Variants in AHSA1 observed in about 807,000 individuals in gnomAD.
AHSA1 encodes activator of HSP90 ATPase activity 1.
Under a neutral mutation model 46.1 loss-of-function variants are expected in AHSA1, and 14 were observed. That is an observed-to-expected ratio of 0.30 (90% CI 0.20 to 0.47). AHSA1 has a LOEUF of 0.47. Among genes scored for constraint, AHSA1 ranks in the 20% least tolerant of loss-of-function variants. The pLI, the probability that AHSA1 is intolerant of heterozygous loss-of-function variation, is 0.99. For synonymous variants in AHSA1, 147 were observed against 145.8 expected (o/e 1.01, Z -0.06); for missense variants, 333 against 415.9 (o/e 0.80, Z 1.73).
At position 77,469,239 on chromosome 14, in the gene AHSA1, G is replaced by A. The variant is rs146176111; in HGVS notation, c.1007G>A (p.Arg336His). The change falls in exon 9 of 9, where the codon CGC becomes CAC. Residue 336 changes from arginine to histidine, a missense_variant. Physicochemically the swap from Arg to His is conservative, Grantham distance 29. Coordinates refer to ENST00000216479, the MANE Select transcript of AHSA1 (RefSeq NM_012111.3). Reference sequence around the variant, plus strand: ...AAACAGACCTTTGGCTATGGCGCACGCTTATTTTAGGGCCAGCGGCAGGGG... The same window carrying A: ...AAACAGACCTTTGGCTATGGCGCACACTTATTTTAGGGCCAGCGGCAGGGG... ...GIKQTFGYGARLF is the reference protein window; with the variant it reads ...GIKQTFGYGAHLF 766 of 1,613,860 alleles carry A rather than the reference G, an allele frequency of 4.7e-4. 4 individuals carry two copies. The Middle Eastern group carries it at 9.6e-3, about 20-fold the overall frequency.
rs201280812 is a variant in AHSA1 at position 77,469,275 on chromosome 14, G to C, written c.*26G>C. 8.1e-6 allele frequency: 13 copies of C among 1,610,902 alleles called. No homozygotes were observed. Among genetic ancestry groups the C allele is most frequent in the East Asian group, 4.5e-5 (2 of 44,806 alleles). On this transcript the variant is annotated 3_prime_UTR_variant, in exon 9 of 9. Transcript: ENST00000216479. ...GGCCAGCGGCAGGGGACTCCAGCCT[G>C]CTGGACACTTCAGTCCAGCTCTCTC...
In AHSA1 at chr14:77,469,114, G is replaced by C; in HGVS notation, c.882G>C (p.Lys294Asn). ...FATITLTFID[K>N]NGETELCMEG... Reference sequence around the variant, plus strand: ...CCATCACCTTGACCTTCATCGACAAGAACGGAGAGACTGAGCTGTGCATGG... The same window carrying C: ...CCATCACCTTGACCTTCATCGACAACAACGGAGAGACTGAGCTGTGCATGG... The change falls in exon 9 of 9, where the codon AAG (lysine) becomes AAC (asparagine). Residue 294 changes from lysine (K) to asparagine (N), a missense_variant. Transcript: ENST00000216479. The C allele has an allele frequency of 6.2e-7, 1 of 1,614,160 alleles. No individual in the cohort carries two copies. Among genetic ancestry groups the C allele is most frequent in the Non-Finnish European group, 8.5e-7 (1 of 1,180,030 alleles).
At chr14:77,463,973 C>T (rs1457977109) in intron 4 of AHSA1, among the ~76,000 whole-genome samples, 1 of 152,238 alleles carries the variant, frequency 6.6e-6, no homozygotes, top group Non-Finnish European at 1.5e-5. Context: ...GTAGATTACC[C>T]ACTCTTGAAG....
intron 1 of AHSA1, 112 bp downstream of exon 1, chr14:77,458,381 A>G: frequency 8.9e-7 from 1 of 1,128,570 alleles, no homozygotes. Context: ...CCCTGTCCGG[A>G]GATGGGGGTG....
chr14:77,462,587 C>A, intron 3 of AHSA1, 55 bp from the exon 4 acceptor site: 1 of 1,514,718 alleles, frequency 6.6e-7, no homozygotes, highest in Non-Finnish European at 9.2e-7. Context: ...CCCCACATTC[C>A]ATAATGAGGG....
chr14:77,468,729 TTTTTTTTTTTTTTTTTACTTTTTTAC>T (rs1408624697), intron 8 of AHSA1: 2 of 489,260 alleles, frequency 4.1e-6, no homozygotes, highest in Non-Finnish European at 7.1e-6. Flanking sequence ...AGCTTTTTTT[TTTTTTTTTTTTTTTTTACTTTTTTAC>T]TTTTTTTGTA....
intron 6 of AHSA1, among the ~76,000 whole-genome samples, chr14:77,467,218 G>C (rs2079051138): frequency 6.6e-6 from 1 of 152,098 alleles, no homozygotes; most frequent in African/African-American, 2.4e-5. Flanking sequence ...GGCCAACATG[G>C]TGAAGCCCTG....
In AHSA1 at chr14:77,469,090, C is replaced by T. The variant is rs1353269151; in HGVS notation, c.858C>T (p.Thr286=). ...TGCCTTTCCCAGGACACTTTGCCAC[C>T]ATCACCTTGACCTTCATCGACAAGA... The part of the protein sequence containing the change: ...FKSWPEGHFA[T]ITLTFIDKNG... The change falls in exon 9 of 9, where the codon ACC becomes ACT. Residue 286 remains threonine, a synonymous_variant. Coordinates refer to ENST00000216479, the MANE Select transcript of AHSA1 (RefSeq NM_012111.3). 6.2e-7 allele frequency: 1 copy of T among 1,614,090 alleles called. No homozygotes were observed. Among genetic ancestry groups the T allele is most frequent in the Admixed American group, 1.7e-5 (1 of 59,992 alleles).
At chr14:77,464,535 A>G (rs17751319) in intron 4 of AHSA1, 63 bp from the exon 5 acceptor site, 96,973 of 1,395,926 alleles carry the variant, frequency 0.069, 4,128 homozygotes, top group Admixed American at 0.19. Flanking sequence ...TCAAGCTGTA[A>G]TGAAACTCCA....
At chr14:77,465,959 T>C (rs996076962) in intron 6 of AHSA1, among the ~76,000 whole-genome samples, 2 of 152,140 alleles carry the variant, frequency 1.3e-5, no homozygotes, top group African/African-American at 4.8e-5. Flanking sequence ...CCTGAACAGC[T>C]GGTACTATAG....
In AHSA1 at chr14:77,462,228, G is replaced by T. The variant is rs142340978; in HGVS notation, c.340G>T (p.Val114Leu). 4.3e-6 allele frequency: 7 copies of T among 1,613,256 alleles called. No homozygotes were observed. Among genetic ancestry groups the T allele is most frequent in the Non-Finnish European group, 5.1e-6 (6 of 1,179,308 alleles). ...EIPNLSDENS[V>L]DEVEISVSLA... is the part of the protein sequence containing the mutation. ...CCCCAATTTGTCTGATGAAAACAGC[G>T]TGGATGAAGTGGAGGTTTGTGCTTC... Residue 114 changes from valine (V) to leucine (L), a missense_variant, in exon 3 of 9, where the codon GTG (valine) becomes TTG (leucine). By Grantham distance (32) the Val-to-Leu change is conservative. Coordinates refer to ENST00000216479, the MANE Select transcript of AHSA1 (RefSeq NM_012111.3).
chr14:77,468,049 C>CTTTTTTTTTTT lies in AHSA1; in HGVS notation c.691-33_691-32insTTTTTTTTTTT, dbSNP rs150175578. 2.3e-5 allele frequency: 17 copies of CTTTTTTTTTTT among 723,822 alleles called. 6 individuals are homozygous for CTTTTTTTTTTT. The highest frequency in any genetic ancestry group is 1.5e-4 in the Admixed American group (4 of 26,650). 44.8% of individuals were successfully genotyped at this position (723,822 alleles called of 1,614,324 possible). A position where few individuals can be genotyped will look rare whatever the true frequency, so the allele number is the denominator to read the frequency against. On this transcript the variant is annotated intron_variant, in intron 6 of 8. Coordinates refer to ENST00000216479, the MANE Select transcript of AHSA1 (RefSeq NM_012111.3). ...CCACTGAAAGCCATGTATCTTCTGC[C>CTTTTTTTTTTT]TCTTTTTTTTTTTTTTTTTTTTTTT...
chr14:77,468,417 T>A (rs760118897), intron 7 of AHSA1, 40 bp from the exon 8 acceptor site: 8 of 1,564,076 alleles, frequency 5.1e-6, no homozygotes, highest in Non-Finnish European at 6.1e-6. Context: ...TTGGGTACAT[T>A]GTAGTATATA....
At chr14:77,462,588 A>G in intron 3 of AHSA1, 54 bp from the exon 4 acceptor site, 6 of 1,530,738 alleles carry the variant, frequency 3.9e-6, no homozygotes, top group Non-Finnish European at 5.4e-6. Context: ...CCCACATTCC[A>G]TAATGAGGGT....
intron 6 of AHSA1, 127 bp from the exon 7 acceptor site, chr14:77,467,956 C>T (rs1440128661): frequency 6.1e-6 from 4 of 654,996 alleles, no homozygotes; most frequent in African/African-American, 5.5e-5. Context: ...CTGGACCCGC[C>T]TGTGGGGCAG....
At position 77,459,619 on chromosome 14, in the gene AHSA1, G is replaced by A; in HGVS notation, c.84G>A (p.Thr28=). Residue 28 remains threonine, a synonymous_variant, in exon 2 of 9, where the codon ACG becomes ACA. Transcript: ENST00000216479. The stretch of plus-strand genomic sequence containing the variant: ...TAGCTCTGTTTCTGCTTTGCAGGAC[G>A]GAGAGAGATGCTTCAAATTGGTCCA... The part of the protein sequence containing the change: ...DATNVNNWHW[T]ERDASNWSTD... The A allele has an allele frequency of 1.2e-6, 2 of 1,614,154 alleles. No homozygotes were observed. Among genetic ancestry groups the A allele is most frequent in the East Asian group, 2.2e-5 (1 of 44,888 alleles).
chr14:77,463,021 T>A, intron 4 of AHSA1: 1 of 359,454 alleles, frequency 2.8e-6, no homozygotes, highest in South Asian at 2.7e-5. Context: ...GGCTCACACT[T>A]GTAATCCCAG....
intron 8 of AHSA1, 96 bp from the exon 9 acceptor site, chr14:77,468,981 T>C: frequency 7.0e-7 from 1 of 1,421,116 alleles, no homozygotes; most frequent in African/African-American, 1.4e-5. Flanking sequence ...GTGCTGGGAT[T>C]ACAGGTGTGA....
rs1005012820 is a variant in AHSA1, at chr14:77,462,628, C to T, written c.355-14C>T. ...CTCAAGTTATTTACCACCTACTTCT[C>T]ATCTTTCACCCAGATTAGTGTGAGC... On this transcript the variant is annotated splice_polypyrimidine_tract_variant and intron_variant, in intron 3 of 8. Coordinates refer to ENST00000216479, the MANE Select transcript of AHSA1 (RefSeq NM_012111.3). The T allele has an allele frequency of 6.2e-7, 1 of 1,612,860 alleles. No homozygotes were observed. The highest frequency in any genetic ancestry group is 8.5e-7 in the Non-Finnish European group (1 of 1,178,828).
Sources: gnomAD v4.1 joint callset for allele counts (sites outside exome capture counted in the v4.1 genomes callset) on GRCh38, gnomAD v4.1.1 for gene constraint, MANE v1.5 for transcripts, NCBI Gene and HGNC (gene_info 2026-07-23, HGNC 2026-07-21) for gene names.